The following RUNX1 variants were observed in gnomAD, a reference collection of about 807,000 sequenced individuals.
RUNX1 encodes RUNX family transcription factor 1, also known as runt-related transcription factor 1.
Under a neutral mutation model 42.8 loss-of-function variants are expected in RUNX1, and 19 were observed. The ratio of observed to expected loss-of-function variants is 0.44; its 90% confidence interval spans 0.31 to 0.65. The LOEUF (loss-of-function observed/expected upper bound fraction) is 0.65, where lower values mean the gene tolerates loss of function less well. RUNX1 is among the 30% of genes least tolerant of loss of function. The probability of loss-of-function intolerance (pLI) is 0.07; values close to 1 mark genes in which losing one functional copy is unlikely to be tolerated. For synonymous variants in RUNX1, 271 were observed against 289.4 expected (o/e 0.94, Z 0.64); for missense variants, 528 against 672.0 (o/e 0.79, Z 2.37).
In RUNX1 at chr21:34,789,448, A is replaced by C. The variant is rs752516749; in HGVS notation, c.*2687T>G. 3.9e-5 allele frequency: 9 copies of C among 233,654 alleles called. No homozygotes were observed. The highest frequency in any genetic ancestry group is 6.8e-5 in the Non-Finnish European group (8 of 118,082). 14.5% of individuals were successfully genotyped at this position (233,654 alleles called of 1,614,324 possible). A position where few individuals can be genotyped will look rare whatever the true frequency, so the allele number is the denominator to read the frequency against. ...CATGAGTAAGCAGTAGAAATGGCTT[A>C]TTCAATACTTCTCCTGGACCAGACA... On this transcript the variant is annotated 3_prime_UTR_variant, in exon 9 of 9. Transcript: ENST00000675419.
At chr21:34,796,818 AAG>A (rs1194755523) in intron 8 of RUNX1, among the ~76,000 whole-genome samples, 1 of 152,214 alleles carries the variant, frequency 6.6e-6, no homozygotes, top group Non-Finnish European at 1.5e-5. Context: ...AGAAAAAAAA[AAG>A]TAAACCTCTA....
At chr21:34,936,110 A>G (rs373471750) in intron 2 of RUNX1, among the ~76,000 whole-genome samples, 213 of 146,724 alleles carry the variant, frequency 1.5e-3, no homozygotes, top group African/African-American at 4.8e-3. Flanking sequence ...CCCCCTTTGA[A>G]TCACAACACA....
intron 2 of RUNX1, among the ~76,000 whole-genome samples, chr21:34,976,046 G>T (rs2058799215): frequency 6.6e-6 from 1 of 151,470 alleles, no homozygotes; most frequent in Non-Finnish European, 1.5e-5. Flanking sequence ...GTAGGTGAAA[G>T]CCAGAGTTTA....
chr21:34,861,266 C>T (rs370200721), intron 5 of RUNX1, among the ~76,000 whole-genome samples: 1 of 152,166 alleles, frequency 6.6e-6, no homozygotes, highest in South Asian at 2.1e-4. Context: ...GTAGAAGAGG[C>T]CTTGGCCAGG....
chr21:34,809,440 C>G (rs2056728166), intron 7 of RUNX1, among the ~76,000 whole-genome samples: 1 of 151,904 alleles, frequency 6.6e-6, no homozygotes, highest in Admixed American at 6.6e-5. Flanking sequence ...ACTGACACCT[C>G]AAGTGGGAGC....
intron 7 of RUNX1, among the ~76,000 whole-genome samples, chr21:34,829,134 G>A (rs550094972): frequency 6.6e-6 from 1 of 152,306 alleles, no homozygotes; most frequent in Non-Finnish European, 1.5e-5. Context: ...AACTAAGGTA[G>A]TCTGCCTGTT....
intron 2 of RUNX1, among the ~76,000 whole-genome samples, chr21:35,006,937 A>G (rs1041179288): frequency 2.6e-5 from 4 of 152,148 alleles, no homozygotes; most frequent in African/African-American, 4.8e-5. Context: ...TACCCAGTTA[A>G]GGAGGACAAA....
chr21:34,953,376 C>T (rs1053150575), intron 2 of RUNX1, among the ~76,000 whole-genome samples: 23 of 152,122 alleles, frequency 1.5e-4, no homozygotes, highest in Admixed American at 1.3e-4. Context: ...GTGTGAATAA[C>T]TTCTGCATGC....
In RUNX1 at chr21:34,875,632, A is replaced by T. The variant is rs563850307; in HGVS notation, c.508+4925T>A. ...GAAACAACTCTGGGGTGGTCAGATG[A>T]ATTTTTCCTTCTTCTATTATATGAA... On this transcript the variant is annotated intron_variant, in intron 5 of 8. Transcript: ENST00000675419. Among the ~76,000 whole-genome samples the T allele has an allele frequency of 5.3e-5, 8 of 152,270 alleles. No homozygotes were observed. The South Asian group carries it at 1.7e-3, about 32-fold the overall frequency.
chr21:34,870,746 T>G (rs2057724851), intron 5 of RUNX1, among the ~76,000 whole-genome samples: 1 of 151,686 alleles, frequency 6.6e-6, no homozygotes, highest in Admixed American at 6.6e-5. Context: ...GATCACGAGG[T>G]CAAGAGATCG....
At chr21:34,992,911 G>A (rs1392086323) in intron 2 of RUNX1, among the ~76,000 whole-genome samples, 1 of 152,170 alleles carries the variant, frequency 6.6e-6, no homozygotes, top group African/African-American at 2.4e-5. Flanking sequence ...GCAATGAGGA[G>A]GATGACTGTG....
intron 2 of RUNX1, among the ~76,000 whole-genome samples, chr21:34,979,247 T>C (rs952179676): frequency 2.6e-5 from 4 of 152,158 alleles, no homozygotes; most frequent in African/African-American, 7.2e-5. Context: ...TTCATAGATA[T>C]ATGCTCCAAG....
At chr21:34,994,706 A>T (rs2058980071) in intron 2 of RUNX1, among the ~76,000 whole-genome samples, 1 of 152,158 alleles carries the variant, frequency 6.6e-6, no homozygotes, top group Non-Finnish European at 1.5e-5. Flanking sequence ...AAACGAAATG[A>T]TCTATTATCT....
intron 2 of RUNX1, among the ~76,000 whole-genome samples, chr21:34,978,560 A>G (rs890775751): frequency 1.3e-5 from 2 of 152,206 alleles, no homozygotes; most frequent in African/African-American, 4.8e-5. Flanking sequence ...CTGGGAGACC[A>G]TTACTTTATT....
rs868527382 is a variant in RUNX1 at position 34,792,394 on chromosome 21, G to T, written c.1184C>A (p.Pro395Gln). The stretch of plus-strand genomic sequence containing the variant: ...GTAGGAGGGCGAGCTGGCTTGGAAC[G>T]GGCCTCCCTGCGCTTGCGACGAGCC... ...YPGSSQAQGGPFQASSPSYHL... is the reference protein window; with the variant it reads ...YPGSSQAQGGQFQASSPSYHL... Residue 395 changes from proline (P) to glutamine (Q), a missense_variant, in exon 9 of 9, where the codon CCG becomes CAG. Around this residue, in one of 3 missense-constraint regions of RUNX1, gnomAD observed 331 missense variants for 382.5 expected, o/e 0.87. Coordinates refer to ENST00000675419, the MANE Select transcript of RUNX1 (RefSeq NM_001754.5). The surrounding 1 kb of genome is among the most constrained non-coding windows in gnomAD (Gnocchi z 6.9). 6.4e-7 allele frequency: 1 copy of T among 1,566,018 alleles called. No homozygotes were observed. Among genetic ancestry groups the T allele is most frequent in the Non-Finnish European group, 8.7e-7 (1 of 1,155,370 alleles).
chr21:34,934,622 G>T (rs80151094), intron 2 of RUNX1, among the ~76,000 whole-genome samples: 2 of 152,150 alleles, frequency 1.3e-5, no homozygotes, highest in Non-Finnish European at 1.5e-5. Context: ...TCACATGCTG[G>T]TGCTTTAGGG....
chr21:34,958,331 A>AAATTTAC (rs2058659652), intron 2 of RUNX1, among the ~76,000 whole-genome samples: 1 of 152,222 alleles, frequency 6.6e-6, no homozygotes, highest in Non-Finnish European at 1.5e-5. Context: ...TCCTTGCTCT[A>AAATTTAC]AAGACTCAAA....
At chr21:34,890,449 C>A (rs752593923) in intron 3 of RUNX1, among the ~76,000 whole-genome samples, 1 of 152,162 alleles carries the variant, frequency 6.6e-6, no homozygotes, top group South Asian at 2.1e-4. Flanking sequence ...TCGGACCAGG[C>A]CTCCCCGCTG....
At chr21:34,840,044 G>C (rs767969853) in intron 6 of RUNX1, among the ~76,000 whole-genome samples, 1 of 152,112 alleles carries the variant, frequency 6.6e-6, no homozygotes, top group Non-Finnish European at 1.5e-5. Context: ...CAGATAGGCC[G>C]GTGTGTGACC....
Sources: gnomAD v4.1 joint callset for allele counts (sites outside exome capture counted in the v4.1 genomes callset) on GRCh38, gnomAD v4.1.1 for gene constraint, gnomAD v4.1.1 regional missense constraint, Gnocchi (gnomAD v3.1) non-coding constraint, MANE v1.5 for transcripts, NCBI Gene and HGNC (gene_info 2026-07-23, HGNC 2026-07-21) for gene names.